Variants in PANK1 observed in about 807,000 individuals in gnomAD.
PANK1 encodes pantothenic acid kinase 1.
PANK1 carries 18 observed loss-of-function variants against 40.1 expected under a neutral mutation model. That is an observed-to-expected ratio of 0.45 (90% CI 0.31 to 0.67). The LOEUF (loss-of-function observed/expected upper bound fraction) is 0.67, where lower values mean the gene tolerates loss of function less well. Ranked by LOEUF, PANK1 falls within the 30% of genes least tolerant of loss-of-function variation. The pLI is 0.06. For missense variants in PANK1, 457 were observed against 599.6 expected (o/e 0.76, Z 2.48); for synonymous variants, 242 against 237.7 (o/e 1.02, Z -0.17).
chr10:89,609,955 C>A (rs527956558), intron 2 of PANK1, among the ~76,000 whole-genome samples: 1 of 152,308 alleles, frequency 6.6e-6, no homozygotes, highest in Admixed American at 6.5e-5. Flanking sequence ...TCACTTCAGG[C>A]TCTCCAGTGG....
chr10:89,628,025 A>G (rs939260153), intron 1 of PANK1, among the ~76,000 whole-genome samples: 1 of 152,236 alleles, frequency 6.6e-6, no homozygotes, highest in East Asian at 1.9e-4. Flanking sequence ...GTTTTAAAAA[A>G]TTGAAAACAA....
chr10:89,625,128 C>T (rs1329712306), intron 1 of PANK1, among the ~76,000 whole-genome samples: 1 of 152,232 alleles, frequency 6.6e-6, no homozygotes, highest in African/African-American at 2.4e-5. Context: ...CCTTGAACTC[C>T]TGGGCTCAAG....
In PANK1 at chr10:89,644,735, C is replaced by A. The variant is rs1273524961; in HGVS notation, c.157G>T (p.Gly53Cys). The A allele has an allele frequency of 3.9e-6, 6 of 1,526,272 alleles. No individual in the cohort carries two copies. The African/African-American group carries it at 5.7e-5, about 14-fold the overall frequency. The allele number at this position is 1,526,272 out of a possible 1,614,324, so 94.5% of individuals were successfully genotyped here. ...AGGCGCTGGGGCGCCGCGTCGCTGCCGCCCACTGGACCCCGGCTGCAGACG... is the reference window on the plus strand; with the variant it reads ...AGGCGCTGGGGCGCCGCGTCGCTGCAGCCCACTGGACCCCGGCTGCAGACG... ...PHVCSRGPVG[G>C]SDAAPQRLPL... Residue 53 changes from glycine (G) to cysteine (C), a missense_variant, in exon 1 of 7, where the codon GGC (glycine) becomes TGC (cysteine). Physicochemically the swap from Gly to Cys is radical, Grantham distance 159. Transcript: ENST00000307534.
At position 89,584,370 on chromosome 10, in the gene PANK1, G is replaced by A. The variant is rs1349070998; in HGVS notation, c.*36C>T. 1.4e-6 allele frequency: 2 copies of A among 1,446,408 alleles called. No individual in the cohort carries two copies. Among genetic ancestry groups the A allele is most frequent in the South Asian group, 1.1e-5 (1 of 87,196 alleles). 89.6% of individuals were successfully genotyped at this position (1,446,408 alleles called of 1,614,324 possible). ...TCCAGCAGCAATTTTTTAGTTCTCT[G>A]TCCTTTTGGGAGGCTGTTTCCTCCA... On this transcript the variant is annotated 3_prime_UTR_variant, in exon 7 of 7. Coordinates refer to ENST00000307534, the MANE Select transcript of PANK1 (RefSeq NM_148977.3).
intron 2 of PANK1, among the ~76,000 whole-genome samples, chr10:89,600,289 T>C (rs1309053806): frequency 6.6e-6 from 1 of 152,166 alleles, no homozygotes; most frequent in Non-Finnish European, 1.5e-5. Flanking sequence ...ACTTCCTTGG[T>C]AGAGCATGAA....
chr10:89,642,077 G>GAGGT (rs1368227101), intron 1 of PANK1, among the ~76,000 whole-genome samples: 3 of 152,208 alleles, frequency 2.0e-5, no homozygotes, highest in African/African-American at 7.2e-5. Flanking sequence ...TAAGTAGAGT[G>GAGGT]AGGTGATGGC....
chr10:89,638,365 T>G (rs1841884030), intron 1 of PANK1, among the ~76,000 whole-genome samples: 1 of 152,214 alleles, frequency 6.6e-6, no homozygotes, highest in African/African-American at 2.4e-5. Context: ...CAAAATGCCT[T>G]CAGAGTCATT....
chr10:89,584,280 T>A lies in PANK1; in HGVS notation c.*126A>T. Reference sequence around the variant, plus strand: ...TCATCTGGAAGGATTTTAAATTATTTACAAATCCAGCAGGTTCATCTGCCA... The same window carrying A: ...TCATCTGGAAGGATTTTAAATTATTAACAAATCCAGCAGGTTCATCTGCCA... On this transcript the variant is annotated 3_prime_UTR_variant, in exon 7 of 7. Transcript: ENST00000307534. 4 of 649,476 alleles carry A rather than the reference T, an allele frequency of 6.2e-6. No individual in the cohort carries two copies. In the Admixed American group the frequency reaches 9.3e-5, roughly 15 times the overall value. 40.2% of individuals were successfully genotyped at this position (649,476 alleles called of 1,614,324 possible). A position where few individuals can be genotyped will look rare whatever the true frequency, so the allele number is the denominator to read the frequency against.
rs75760736 is a variant in PANK1 at position 89,638,416 on chromosome 10, C to T, written c.292+6184G>A. ...TGAACAGCCTCTGGCTTCCTTCTAT[C>T]CCTACTGATCTCCTTATCAACTGGT... On this transcript the variant is annotated intron_variant, in intron 1 of 6. Transcript: ENST00000307534. Among the ~76,000 whole-genome samples, 309 of 152,306 alleles carry T rather than the reference C, an allele frequency of 2.0e-3. 9 individuals carry two copies. The East Asian group carries it at 0.054, about 27-fold the overall frequency.
At chr10:89,629,246 T>C (rs1422461525) in intron 1 of PANK1, among the ~76,000 whole-genome samples, 1 of 152,204 alleles carries the variant, frequency 6.6e-6, no homozygotes, top group Non-Finnish European at 1.5e-5. Context: ...TTCCTTCCAG[T>C]GCTCAGCTGC....
intron 2 of PANK1, among the ~76,000 whole-genome samples, chr10:89,609,477 CTGAGTGAG>C (rs1013712248): frequency 1.3e-5 from 2 of 152,208 alleles, no homozygotes; most frequent in African/African-American, 4.8e-5. Context: ...CTGAAAGTGC[CTGAGTGAG>C]TGAATGAATG....
intron 1 of PANK1, among the ~76,000 whole-genome samples, chr10:89,616,562 T>A (rs4463767): frequency 0.073 from 11,137 of 152,132 alleles, 492 homozygotes; most frequent in South Asian, 0.13. Context: ...AAGGTTGTAG[T>A]GTACTACGAC....
At chr10:89,643,785 A>C in intron 1 of PANK1, 1 of 1,610,644 alleles carries the variant, frequency 6.2e-7, no homozygotes, top group South Asian at 1.1e-5. Context: ...AACCAGCTGT[A>C]AACTCGACCT....
chr10:89,611,711 T>C lies in PANK1; in HGVS notation c.630A>G (p.Glu210=). The part of the protein sequence containing the change: ...CATGGGAFKF[E]EDFRMIADLQ... ...CCCGACCTACCATTCTGAAGTCCTC[T>C]TCGAATTTGAAAGCCCCGCCTCCTG... Residue 210 remains glutamate, a synonymous_variant, in exon 2 of 7, where the codon GAA becomes GAG. Transcript: ENST00000307534. 1 of 1,608,470 alleles carries C rather than the reference T, an allele frequency of 6.2e-7. No homozygotes were observed. The highest frequency in any genetic ancestry group is 1.1e-5 in the South Asian group (1 of 90,448).
At chr10:89,590,526 TCA>T (rs1844349970) in intron 5 of PANK1, among the ~76,000 whole-genome samples, 4 of 152,146 alleles carry the variant, frequency 2.6e-5, no homozygotes, top group Non-Finnish European at 5.9e-5. Context: ...ATCCGATGAC[TCA>T]GCAAGTTCCC....
At chr10:89,588,400 C>T (rs1418790745) in intron 6 of PANK1, among the ~76,000 whole-genome samples, 6 of 152,078 alleles carry the variant, frequency 3.9e-5, no homozygotes, top group Admixed American at 3.9e-4. Context: ...ATGCAGTTTT[C>T]TATAATGACT....
chr10:89,623,366 C>CA lies in PANK1; in HGVS notation c.293-11319dup, dbSNP rs370716019. Among the ~76,000 whole-genome samples the CA allele has an allele frequency of 8.0e-3, 1,213 of 152,148 alleles. 17 individuals are homozygous for CA. The highest frequency in any genetic ancestry group is 0.028 in the African/African-American group (1,142 of 41,492). ...CCTCCCGAGTAGCTGGGACTACAGG[C>CA]ACCCACCACCATGCCTGGCTAATTT... On this transcript the variant is annotated intron_variant, in intron 1 of 6. Transcript: ENST00000307534.
intron 1 of PANK1, among the ~76,000 whole-genome samples, chr10:89,615,966 CA>C (rs1845302821): frequency 1.3e-5 from 2 of 152,288 alleles, no homozygotes; most frequent in African/African-American, 4.8e-5. Flanking sequence ...ATGCTTTGAT[CA>C]ATTCAGTTGA....
At chr10:89,620,938 A>G (rs893568055) in intron 1 of PANK1, among the ~76,000 whole-genome samples, 10 of 152,212 alleles carry the variant, frequency 6.6e-5, no homozygotes, top group African/African-American at 2.4e-4. Flanking sequence ...GATACACTTC[A>G]AAGATATTTT....
Sources: allele counts gnomAD v4.1 joint callset (sites outside exome capture counted in the v4.1 genomes callset), GRCh38; gene constraint gnomAD v4.1.1; transcripts MANE v1.5; gene names NCBI Gene and HGNC (gene_info 2026-07-23, HGNC 2026-07-21).